Variants in MFHAS1 observed in about 807,000 individuals in gnomAD.
MFHAS1 encodes multifunctional ROCO family signaling regulator 1, also known as malignant fibrous histiocytoma-amplified sequence 1.
In MFHAS1, 50 loss-of-function variants were observed where a neutral mutation model predicts 70.4. The ratio of observed to expected loss-of-function variants is 0.71; its 90% CI spans 0.57 to 0.90. The LOEUF is 0.90. Among genes scored for constraint, MFHAS1 ranks in the 40% least tolerant of loss-of-function variants. The pLI, the probability that MFHAS1 is intolerant of heterozygous loss-of-function variation, is 0.00. For missense variants in MFHAS1, 1,795 were observed against 1,347.6 expected, an observed-to-expected ratio of 1.33 and a Z score of -5.20; for synonymous variants, 952 against 620.0, an observed-to-expected ratio of 1.54 and a Z score of -7.96.
chr8:8,890,206 AT>A lies in MFHAS1; in HGVS notation c.2852del (p.Asn951IlefsTer9), dbSNP rs1352487948. Reference protein sequence around the residue: ...LSIASHASLPNIWTAWQAITP... With the variant: ...LSIASHASLPXIWTAWQAITP... The stretch of plus-strand genomic sequence containing the variant: ...TTATGGCTTGCCATGCGGTCCATAT[AT>A]TTGGTAATGATGCATGGCTAGCAAT... On this transcript the variant is annotated frameshift_variant, in exon 1 of 3. Coordinates refer to ENST00000276282, the MANE Select transcript of MFHAS1 (RefSeq NM_004225.3). LOFTEE classifies it high-confidence loss of function. 1.2e-6 allele frequency: 2 copies of A among 1,614,006 alleles called. No homozygotes were observed. Among genetic ancestry groups the A allele is most frequent in the Non-Finnish European group, 1.7e-6 (2 of 1,180,040 alleles).
At chr8:8,873,433 G>C (rs1048080613) in intron 1 of MFHAS1, among the ~76,000 whole-genome samples, 5 of 149,184 alleles carry the variant, frequency 3.4e-5, no homozygotes, top group African/African-American at 7.4e-5. Context: ...CATTAAGTAT[G>C]TTTTAAACAC....
At chr8:8,877,419 A>C (rs1809339566) in intron 1 of MFHAS1, among the ~76,000 whole-genome samples, 1 of 152,168 alleles carries the variant, frequency 6.6e-6, no homozygotes, top group Admixed American at 6.5e-5. Context: ...AGTGAAACTT[A>C]AACAGCCCAC....
chr8:8,892,394 T>A lies in MFHAS1; in HGVS notation c.665A>T (p.Asp222Val). Reference sequence around the variant, plus strand: ...CTTGAGGGCACGCAGGGCACTGATATCCTCAGGCAGGCCCCGCAGCCGGTT... The same window carrying A: ...CTTGAGGGCACGCAGGGCACTGATAACCTCAGGCAGGCCCCGCAGCCGGTT... ...SSNRLRGLPE[D>V]ISALRALKIL... Residue 222 changes from aspartate (D) to valine (V), a missense_variant, in exon 1 of 3, where the codon GAT (aspartate) becomes GTT (valine). Coordinates refer to ENST00000276282, the MANE Select transcript of MFHAS1 (RefSeq NM_004225.3). This position sits in a 1 kb window ranked among gnomAD's most constrained non-coding sequence, Gnocchi z 4.7. 6.2e-7 allele frequency: 1 copy of A among 1,612,638 alleles called. No homozygotes were observed.
chr8:8,798,089 A>G (rs1271262198), intron 1 of MFHAS1, among the ~76,000 whole-genome samples: 2 of 152,222 alleles, frequency 1.3e-5, no homozygotes, highest in Non-Finnish European at 2.9e-5. Context: ...GCAAAAACAC[A>G]TAATTAACCT....
chr8:8,867,844 A>C (rs1395269367), intron 1 of MFHAS1, among the ~76,000 whole-genome samples: 2 of 152,140 alleles, frequency 1.3e-5, no homozygotes, highest in African/African-American at 4.8e-5. Context: ...GGCGTGAGCC[A>C]CCGTGCCTGG....
At position 8,797,376 on chromosome 8, in the gene MFHAS1, G is replaced by A. The variant is rs1198506256; in HGVS notation, c.3114C>T (p.Ser1038=). The part of the protein sequence containing the change: ...LVYPPTPTVI[S]PCSKKNVGEK... ...CTTTGAGAACTCACTTGGAACAGGG[G>A]CTGATCACAGTCGGCGTGGGTGGGT... The change falls in exon 2 of 3, where the codon AGC becomes AGT. Residue 1038 remains serine (S), a synonymous_variant. Transcript: ENST00000276282. 4 of 1,613,946 alleles carry A rather than the reference G, an allele frequency of 2.5e-6. No homozygotes were observed. The highest frequency in any genetic ancestry group is 3.4e-6 in the Non-Finnish European group (4 of 1,179,998).
At chr8:8,815,936 A>T (rs1406338515) in intron 1 of MFHAS1, among the ~76,000 whole-genome samples, 1 of 152,252 alleles carries the variant, frequency 6.6e-6, no homozygotes, top group Non-Finnish European at 1.5e-5. Flanking sequence ...ACATAAACAA[A>T]TTGTGGCATA....
In MFHAS1 at chr8:8,892,186, C is replaced by T; in HGVS notation, c.873G>A (p.Ala291=). Residue 291 remains alanine (A), a synonymous_variant, in exon 1 of 3, where the codon GCG becomes GCA. Transcript: ENST00000276282. This position sits in a 1 kb window ranked among gnomAD's most constrained non-coding sequence, Gnocchi z 4.7. ...SSNLFEEFPA[A]LLPLAGLEEL... ...CCTCCAGACCAGCCAGGGGCAGCAG[C>T]GCGGCAGGGAACTCCTCGAAGAGGT... is the stretch of plus-strand genomic sequence containing the variant. 1 of 1,610,084 alleles carries T rather than the reference C, an allele frequency of 6.2e-7. No homozygotes were observed.
Position 8,891,531 on chromosome 8 carries a change from G to T in MFHAS1, c.1528C>A (p.Arg510Ser), listed in dbSNP as rs148315756. Residue 510 changes from arginine to serine, a missense_variant, in exon 1 of 3, where the codon CGC becomes AGC. Coordinates refer to ENST00000276282, the MANE Select transcript of MFHAS1 (RefSeq NM_004225.3). This position sits in a 1 kb window ranked among gnomAD's most constrained non-coding sequence, Gnocchi z 5.4. ...GAGCCCACGGTGGTAGGAAAGTGGCGAGGCTCATAGGTGGCCAAGTTGACC... is the reference window on the plus strand; with the variant it reads ...GAGCCCACGGTGGTAGGAAAGTGGCTAGGCTCATAGGTGGCCAAGTTGACC... ...LVVNLATYEP[R>S]HFPTTVGSFL... 3.7e-4 allele frequency: 592 copies of T among 1,612,984 alleles called. 3 individuals are homozygous for T. The highest frequency in any genetic ancestry group is 4.9e-4 in the Non-Finnish European group (573 of 1,180,048).
chr8:8,825,644 C>T (rs1329294041), intron 1 of MFHAS1, among the ~76,000 whole-genome samples: 2 of 152,130 alleles, frequency 1.3e-5, no homozygotes, highest in African/African-American at 4.8e-5. Flanking sequence ...ATTTCCTCTT[C>T]TTGTAAGAAC....
intron 1 of MFHAS1, among the ~76,000 whole-genome samples, chr8:8,827,939 T>C (rs1807225903): frequency 1.3e-5 from 2 of 152,190 alleles, no homozygotes; most frequent in South Asian, 4.1e-4. Context: ...TGTTATGTAG[T>C]TTATTTTTAT....
Position 8,893,139 on chromosome 8 carries a change from T to A in MFHAS1, c.-81A>T. On this transcript the variant is annotated 5_prime_UTR_variant, in exon 1 of 3. Transcript: ENST00000276282. ...CGCGCCGCGCCCCGGGCCCTCCGGC[T>A]CCTGCCCCTGCCTGCCCTCCCGCGC... 1 of 1,032,720 alleles carries A rather than the reference T, an allele frequency of 9.7e-7. No homozygotes were observed. Among genetic ancestry groups the A allele is most frequent in the Non-Finnish European group, 1.3e-6 (1 of 786,472 alleles). 64.0% of individuals were successfully genotyped at this position (1,032,720 alleles called of 1,614,324 possible).
At chr8:8,823,019 G>A (rs145198169) in intron 1 of MFHAS1, among the ~76,000 whole-genome samples, 114 of 152,220 alleles carry the variant, frequency 7.5e-4, no homozygotes, top group African/African-American at 2.6e-3. Context: ...ACAGAAGACC[G>A]GGAAGGAGAG....
rs1209921936 is a variant in MFHAS1 at position 8,892,639 on chromosome 8, G to A, written c.420C>T (p.Leu140=). 4 of 1,601,162 alleles carry A rather than the reference G, an allele frequency of 2.5e-6. No individual in the cohort carries two copies. The highest frequency in any genetic ancestry group is 1.7e-5 in the Admixed American group (1 of 57,902). ...CGGGCAGCTGGTTGTGGCTGAGGTT[G>A]AGCTTCCGCAGCTCCCTCAGAGCAC... ...VVSALRELRK[L]NLSHNQLPAL... is the part of the protein sequence containing the mutation. Residue 140 remains leucine, a synonymous_variant, in exon 1 of 3, where the codon CTC becomes CTT. Transcript: ENST00000276282. The surrounding 1 kb of genome is among the most constrained non-coding windows in gnomAD (Gnocchi z 4.7).
In MFHAS1 at chr8:8,867,597, T is replaced by G. The variant is rs191681671; in HGVS notation, c.2998+22464A>C. Among the ~76,000 whole-genome samples the G allele has an allele frequency of 2.1e-3, 314 of 151,802 alleles. 3 individuals carry two copies. Among genetic ancestry groups the G allele is most frequent in the Middle Eastern group, 0.017 (5 of 294 alleles). ...TTTTTTGAGGTGGAGTCTCGCTGTCTCCTAGGCTGGAGTGCAGTGGCGCAA... is the reference window on the plus strand; with the variant it reads ...TTTTTTGAGGTGGAGTCTCGCTGTCGCCTAGGCTGGAGTGCAGTGGCGCAA... On this transcript the variant is annotated intron_variant, in intron 1 of 2. Coordinates refer to ENST00000276282, the MANE Select transcript of MFHAS1 (RefSeq NM_004225.3).
intron 1 of MFHAS1, among the ~76,000 whole-genome samples, chr8:8,818,007 C>A (rs1235115310): frequency 6.6e-6 from 1 of 152,138 alleles, no homozygotes; most frequent in East Asian, 1.9e-4. Context: ...TGCTCTAGCC[C>A]GTATCTATAC....
chr8:8,891,043 C>T lies in MFHAS1; in HGVS notation c.2016G>A (p.Gln672=). The T allele has an allele frequency of 6.2e-7, 1 of 1,613,640 alleles. No individual in the cohort carries two copies. The highest frequency in any genetic ancestry group is 8.5e-7 in the Non-Finnish European group (1 of 1,179,864). ...SWQVLEELHF[Q]PPQAQRLWLS... is the part of the protein sequence containing the mutation. The stretch of plus-strand genomic sequence containing the variant: ...GCCACAGTCGCTGGGCCTGAGGTGG[C>T]TGGAAATGCAGTTCCTCCAGCACCT... Residue 672 remains glutamine, a synonymous_variant, in exon 1 of 3, where the codon CAG becomes CAA. Transcript: ENST00000276282. The surrounding 1 kb of genome is among the most constrained non-coding windows in gnomAD (Gnocchi z 5.4).
Position 8,819,331 on chromosome 8 carries a change from T to C in MFHAS1, c.2999-21840A>G, listed in dbSNP as rs372626332. 3.0e-4 allele frequency among the ~76,000 whole-genome samples: 46 copies of C among 152,102 alleles called. 2 individuals carry two copies. In the East Asian group the frequency reaches 6.0e-3, roughly 20 times the overall value. ...TAAGAATATCCAAGAATTGGCCGGG[T>C]GCGGTGGCTCACGCCTGTAATCCCA... On this transcript the variant is annotated intron_variant, in intron 1 of 2. Coordinates refer to ENST00000276282, the MANE Select transcript of MFHAS1 (RefSeq NM_004225.3).
intron 1 of MFHAS1, among the ~76,000 whole-genome samples, chr8:8,828,695 G>A (rs1341604276): frequency 6.6e-6 from 1 of 152,184 alleles, no homozygotes; most frequent in Non-Finnish European, 1.5e-5. Context: ...CCACTAAGCA[G>A]TGACACTCTG....
Sources: allele counts gnomAD v4.1 joint callset (sites outside exome capture counted in the v4.1 genomes callset), GRCh38; gene constraint gnomAD v4.1.1; non-coding constraint Gnocchi (gnomAD v3.1); transcripts MANE v1.5; gene names NCBI Gene and HGNC (gene_info 2026-07-23, HGNC 2026-07-21).